Variants in CTNNB1 observed in about 807,000 individuals in gnomAD.
The protein encoded by CTNNB1 is catenin beta 1.
In CTNNB1, 6 loss-of-function variants were observed where a neutral mutation model predicts 82.5. The observed-to-expected ratio is 0.07, with a 90% CI of 0.04 to 0.14. The LOEUF is 0.14. CTNNB1 is among the 10% of genes least tolerant of loss of function. The probability of loss-of-function intolerance (pLI) is 1.00; values close to 1 mark genes in which losing one functional copy is unlikely to be tolerated. For synonymous variants in CTNNB1, 312 were observed against 329.7 expected (o/e 0.95, Z 0.58); for missense variants, 529 against 980.4 (o/e 0.54, Z 6.15).
chr3:41,208,646 AT>A (rs1046602934), intron 1 of CTNNB1, among the ~76,000 whole-genome samples: 1 of 152,128 alleles, frequency 6.6e-6, no homozygotes, highest in African/African-American at 2.4e-5. Context: ...ACGTTTAACA[AT>A]CTTGTCCCTC....
chr3:41,223,373 A>G (rs1440474117), intron 1 of CTNNB1, among the ~76,000 whole-genome samples: 1 of 152,168 alleles, frequency 6.6e-6, no homozygotes, highest in African/African-American at 2.4e-5. Flanking sequence ...CATATTGGTA[A>G]TATTTGTATT....
At chr3:41,235,620 C>G (rs1424913413) in intron 10 of CTNNB1, 104 bp from the exon 11 acceptor site, 2 of 1,476,216 alleles carry the variant, frequency 1.4e-6, no homozygotes, top group African/African-American at 2.8e-5. Context: ...TTGCAAGTTA[C>G]GGGGAACTTC....
At chr3:41,223,074 CA>C (rs138678614) in intron 1 of CTNNB1, among the ~76,000 whole-genome samples, 3 of 149,276 alleles carry the variant, frequency 2.0e-5, no homozygotes, top group Admixed American at 6.7e-5. Context: ...AACTCTGTCT[CA>C]AAAAAAAACA....
chr3:41,216,767 C>T (rs999743497), intron 1 of CTNNB1, among the ~76,000 whole-genome samples: 2 of 152,124 alleles, frequency 1.3e-5, no homozygotes, highest in African/African-American at 4.8e-5. Flanking sequence ...GTATTTGGTT[C>T]TGCAAATGTA....
intron 1 of CTNNB1, among the ~76,000 whole-genome samples, chr3:41,220,285 A>C (rs970747665): frequency 6.6e-5 from 10 of 152,054 alleles, no homozygotes; most frequent in Non-Finnish European, 1.3e-4. Context: ...AGACAGTACC[A>C]AAGGCATACA....
chr3:41,200,707 A>C (rs1455234253), intron 1 of CTNNB1, among the ~76,000 whole-genome samples: 1 of 152,192 alleles, frequency 6.6e-6, no homozygotes, highest in Non-Finnish European at 1.5e-5. Context: ...TTTTGTCTGG[A>C]GAGAGGACTT....
intron 7 of CTNNB1, among the ~76,000 whole-genome samples, chr3:41,229,876 C>CTGTGTGTGTGTGTGTG (rs58153157): frequency 6.1e-4 from 90 of 147,226 alleles, no homozygotes; most frequent in African/African-American, 2.3e-3. Flanking sequence ...CTCTTGGGTT[C>CTGTGTGTGTGTGTGTG]TGTGTGTGTG....
At chr3:41,206,598 A>G (rs556002843) in intron 1 of CTNNB1, among the ~76,000 whole-genome samples, 1 of 152,068 alleles carries the variant, frequency 6.6e-6, no homozygotes, top group Non-Finnish European at 1.5e-5. Flanking sequence ...TGTGAAGTAA[A>G]CTGAACAGCT....
intron 1 of CTNNB1, chr3:41,199,882 C>T (rs1305406671): frequency 6.7e-6 from 1 of 148,880 alleles, no homozygotes; most frequent in Non-Finnish European, 1.5e-5. Context: ...GTCGCGCTGC[C>T]TCTCTGGGGC....
rs2125625219 is a variant in CTNNB1, at chr3:41,225,907, C to G, written c.936+46C>G. On this transcript the variant is annotated intron_variant, in intron 6 of 14. Transcript: ENST00000349496. This position sits in a 1 kb window ranked among gnomAD's most constrained non-coding sequence, Gnocchi z 5.3. ...GTGGTTTTCATGGAGCATTGGACACCTCCAGTGTCATGTCATTCCATGCAG... is the reference window on the plus strand; with the variant it reads ...GTGGTTTTCATGGAGCATTGGACACGTCCAGTGTCATGTCATTCCATGCAG... 1 of 1,534,530 alleles carries G rather than the reference C, an allele frequency of 6.5e-7. No individual in the cohort carries two copies. Among genetic ancestry groups the G allele is most frequent in the Non-Finnish European group, 9.0e-7 (1 of 1,112,798 alleles).
intron 1 of CTNNB1, among the ~76,000 whole-genome samples, chr3:41,212,471 T>TG (rs1198158214): frequency 2.0e-5 from 3 of 152,248 alleles, no homozygotes; most frequent in African/African-American, 7.2e-5. Flanking sequence ...CCATTGAACT[T>TG]GCTCTTGCTG....
chr3:41,224,779 TA>T (rs774357411), intron 3 of CTNNB1, 26 bp downstream of exon 3: 23 of 1,605,088 alleles, frequency 1.4e-5, no homozygotes, highest in Non-Finnish European at 1.9e-5. Context: ...TTCATTGCCT[TA>T]CTGAAAGTCA....
At chr3:41,237,103 T>G (rs2078454140) in intron 13 of CTNNB1, 1 of 326,608 alleles carries the variant, frequency 3.1e-6, no homozygotes, top group Non-Finnish European at 5.7e-6. Context: ...TGAATTTTTC[T>G]TCAGCATTTG....
At chr3:41,201,650 C>T (rs900237374) in intron 1 of CTNNB1, among the ~76,000 whole-genome samples, 2 of 151,690 alleles carry the variant, frequency 1.3e-5, no homozygotes, top group South Asian at 2.1e-4. Flanking sequence ...AGTCCTGAGT[C>T]TCCCACAGAC....
At position 41,227,364 on chromosome 3, in the gene CTNNB1, T is replaced by C. The variant is rs774535919; in HGVS notation, c.1081+12T>C. ...TATTGTAGAAGCTGGTAAGTATATGTATCTATTCTGAGTCTTGTGTATAGC... is the reference window on the plus strand; with the variant it reads ...TATTGTAGAAGCTGGTAAGTATATGCATCTATTCTGAGTCTTGTGTATAGC... On this transcript the variant is annotated intron_variant, in intron 7 of 14. Transcript: ENST00000349496. The C allele has an allele frequency of 6.2e-7, 1 of 1,613,560 alleles. No homozygotes were observed. The highest frequency in any genetic ancestry group is 1.1e-5 in the South Asian group (1 of 91,074).
At chr3:41,199,914 G>A (rs1460608856) in intron 1 of CTNNB1, 1 of 150,274 alleles carries the variant, frequency 6.7e-6, no homozygotes, top group East Asian at 2.0e-4. Context: ...CGCTTGCGGG[G>A]AGGGGGCGCC....
At chr3:41,205,572 A>G (rs2077631610) in intron 1 of CTNNB1, among the ~76,000 whole-genome samples, 1 of 152,078 alleles carries the variant, frequency 6.6e-6, no homozygotes, top group East Asian at 1.9e-4. Context: ...GCTGCTTGGA[A>G]GTCTGAAGCA....
chr3:41,203,528 GAAAA>G (rs2077582562), intron 1 of CTNNB1, among the ~76,000 whole-genome samples: 1 of 151,946 alleles, frequency 6.6e-6, no homozygotes, highest in Non-Finnish European at 1.5e-5. Context: ...GAAATTCTCA[GAAAA>G]AAATTAATGA....
At chr3:41,204,199 A>G (rs75842344) in intron 1 of CTNNB1, among the ~76,000 whole-genome samples, 3,729 of 152,074 alleles carry the variant, frequency 0.025, 165 homozygotes, top group African/African-American at 0.085. Context: ...TAAATCAGTG[A>G]TTTCCAAGTT....
Sources: allele counts gnomAD v4.1 joint callset (sites outside exome capture counted in the v4.1 genomes callset), GRCh38; gene constraint gnomAD v4.1.1; non-coding constraint Gnocchi (gnomAD v3.1); transcripts MANE v1.5; gene names NCBI Gene and HGNC (gene_info 2026-07-23, HGNC 2026-07-21).